Variants in FAM204A observed in about 807,000 individuals in gnomAD.
FAM204A encodes protein FAM204A.
Under a neutral mutation model 35.4 loss-of-function variants are expected in FAM204A, and 16 were observed. The ratio of observed to expected loss-of-function variants is 0.45; its 90% CI spans 0.31 to 0.69. FAM204A has a LOEUF of 0.69. Among genes scored for constraint, FAM204A ranks in the 30% least tolerant of loss-of-function variants. FAM204A has a pLI of 0.07. For synonymous variants in FAM204A, 76 were observed against 86.9 expected (o/e 0.88, Z 0.70); for missense variants, 240 against 265.7 (o/e 0.90, Z 0.67).
chr10:118,332,616 C>G (rs1330416703), intron 6 of FAM204A, among the ~76,000 whole-genome samples: 1 of 151,802 alleles, frequency 6.6e-6, no homozygotes, highest in African/African-American at 2.4e-5. Flanking sequence ...ATTGGAGAAC[C>G]ATGTAAGAGT....
Position 118,303,720 on chromosome 10 carries a change from G to A in FAM204A, c.*7137C>T, listed in dbSNP as rs1311025846. 1 of 152,570 alleles carries A rather than the reference G, an allele frequency of 6.6e-6. No homozygotes were observed. 9.5% of individuals were successfully genotyped at this position (152,570 alleles called of 1,614,324 possible). On this transcript the variant is annotated 3_prime_UTR_variant, in exon 9 of 9. Coordinates refer to ENST00000369183, the MANE Select transcript of FAM204A (RefSeq NM_022063.3). ...CCACCTACTCGGGAGGCTGAGGCAG[G>A]AGAATTGCTTGAACCTGGGAAGCAG... is the stretch of plus-strand genomic sequence containing the variant.
intron 7 of FAM204A, among the ~76,000 whole-genome samples, chr10:118,315,825 T>C (rs1160305375): frequency 2.0e-5 from 3 of 152,122 alleles, no homozygotes; most frequent in Non-Finnish European, 4.4e-5. Flanking sequence ...GAGCCGAACA[T>C]GGTGCAGATT....
At chr10:118,316,706 AAT>A (rs1329007923) in intron 7 of FAM204A, among the ~76,000 whole-genome samples, 2 of 152,128 alleles carry the variant, frequency 1.3e-5, no homozygotes, top group African/African-American at 2.4e-5. Context: ...TATATATACA[AAT>A]ATCTTTTATA....
rs1046014616 is a variant in FAM204A at position 118,300,903 on chromosome 10, G to C, written c.*9954C>G. 6.6e-6 allele frequency: 1 copy of C among 152,204 alleles called. No individual in the cohort carries two copies. Among genetic ancestry groups the C allele is most frequent in the African/African-American group, 2.4e-5 (1 of 41,456 alleles). 9.4% of individuals were successfully genotyped at this position (152,204 alleles called of 1,614,324 possible). On this transcript the variant is annotated 3_prime_UTR_variant, in exon 9 of 9. Transcript: ENST00000369183. The stretch of plus-strand genomic sequence containing the variant: ...GTAACTGAGTGCTTACTGCATGCCA[G>C]ACCCGTGCTAAGCTCTCTCCATGCA...
In FAM204A at chr10:118,299,046, A is replaced by G. The variant is rs1464286996; in HGVS notation, c.*11811T>C. 6.6e-6 allele frequency: 1 copy of G among 152,194 alleles called. No individual in the cohort carries two copies. The highest frequency in any genetic ancestry group is 1.5e-5 in the Non-Finnish European group (1 of 68,030). The allele number at this position is 152,194 out of a possible 1,614,324, so 9.4% of individuals were successfully genotyped here. A position where few individuals can be genotyped will look rare whatever the true frequency, so the allele number is the denominator to read the frequency against. On this transcript the variant is annotated 3_prime_UTR_variant, in exon 9 of 9. Coordinates refer to ENST00000369183, the MANE Select transcript of FAM204A (RefSeq NM_022063.3). Reference sequence around the variant, plus strand: ...GTAATCCTTCTCTGGCCCCCTGGACAGTGTACGTGTGAGTGACGGTTCCCT... The same window carrying G: ...GTAATCCTTCTCTGGCCCCCTGGACGGTGTACGTGTGAGTGACGGTTCCCT...
Position 118,298,373 on chromosome 10 carries a change from T to C in FAM204A, c.*12484A>G, listed in dbSNP as rs757700234. 2.0e-5 allele frequency: 3 copies of C among 152,214 alleles called. No homozygotes were observed. Among genetic ancestry groups the C allele is most frequent in the Non-Finnish European group, 4.4e-5 (3 of 68,042 alleles). 9.4% of individuals were successfully genotyped at this position (152,214 alleles called of 1,614,324 possible). On this transcript the variant is annotated 3_prime_UTR_variant, in exon 9 of 9. Coordinates refer to ENST00000369183, the MANE Select transcript of FAM204A (RefSeq NM_022063.3). The stretch of plus-strand genomic sequence containing the variant: ...AGTGTCCTCTTGTTGTAAAAGTCAT[T>C]AGGTATGTTTAAAATCCGAATGCGA...
chr10:118,320,621 T>C (rs1846099266), intron 7 of FAM204A, among the ~76,000 whole-genome samples: 1 of 151,978 alleles, frequency 6.6e-6, no homozygotes, highest in Admixed American at 6.6e-5. Flanking sequence ...CCTAAGTATA[T>C]GTTTCTACTT....
chr10:118,336,321 A>G lies in FAM204A; in HGVS notation c.95T>C (p.Leu32Ser). 6.2e-7 allele frequency: 1 copy of G among 1,613,982 alleles called. No homozygotes were observed. The highest frequency in any genetic ancestry group is 1.1e-5 in the South Asian group (1 of 91,070). ...GCTCTCATCCTCTTTATCTTCCTGT[A>G]AGTTAAGTCCAGAGTTCTCCAACGT... ...EATLENSGLNLQEDKEDESIR... is the reference protein window; with the variant it reads ...EATLENSGLNSQEDKEDESIR... The change falls in exon 3 of 9, where the codon TTA becomes TCA. Residue 32 changes from leucine to serine, a missense_variant. By Grantham distance (145) the Leu-to-Ser change is moderately radical (BLOSUM62 -2). This residue lies in a region of FAM204A where 232 missense variants were observed against 242.8 expected (regional missense o/e 0.96). Coordinates refer to ENST00000369183, the MANE Select transcript of FAM204A (RefSeq NM_022063.3).
chr10:118,322,346 A>G, intron 7 of FAM204A: 1 of 456,436 alleles, frequency 2.2e-6, no homozygotes, highest in Non-Finnish European at 4.4e-6. Context: ...GAAAGGGACA[A>G]AGAGACAGCA....
rs1845780247 is a variant in FAM204A, at chr10:118,299,101, C to T, written c.*11756G>A. The T allele has an allele frequency of 6.6e-6, 1 of 152,176 alleles. No homozygotes were observed. Among genetic ancestry groups the T allele is most frequent in the Non-Finnish European group, 1.5e-5 (1 of 68,066 alleles). The allele number at this position is 152,176 out of a possible 1,614,324, so 9.4% of individuals were successfully genotyped here. Reference sequence around the variant, plus strand: ...GCCCACATCATTTTCTTGTCTTGGGCAGCAGATCATTCCTTTTTCAGCTTC... The same window carrying T: ...GCCCACATCATTTTCTTGTCTTGGGTAGCAGATCATTCCTTTTTCAGCTTC... On this transcript the variant is annotated 3_prime_UTR_variant, in exon 9 of 9. Coordinates refer to ENST00000369183, the MANE Select transcript of FAM204A (RefSeq NM_022063.3).
intron 2 of FAM204A, among the ~76,000 whole-genome samples, chr10:118,340,115 T>C (rs1386925425): frequency 6.6e-6 from 1 of 152,194 alleles, no homozygotes; most frequent in Non-Finnish European, 1.5e-5. Context: ...CCATTCATCA[T>C]TACAGGAAAA....
intron 2 of FAM204A, among the ~76,000 whole-genome samples, chr10:118,337,994 G>A (rs760162515): frequency 6.6e-6 from 1 of 152,158 alleles, no homozygotes; most frequent in Non-Finnish European, 1.5e-5. Context: ...ACAATCTGAT[G>A]TGAAGTGTCT....
chr10:118,335,457 A>AAC (rs1165536253), intron 4 of FAM204A, 31 bp from the exon 5 acceptor site: 1 of 1,596,744 alleles, frequency 6.3e-7, no homozygotes, highest in Admixed American at 1.8e-5. Flanking sequence ...GTCAATACCT[A>AAC]ACTTCAGTAA....
intron 7 of FAM204A, among the ~76,000 whole-genome samples, chr10:118,323,239 A>T (rs11198362): frequency 0.25 from 38,259 of 152,022 alleles, 5,631 homozygotes; most frequent in Non-Finnish European, 0.33. Context: ...ACCATTTCTA[A>T]GAACAATAGG....
At chr10:118,336,511 T>C (rs1846390125) in intron 2 of FAM204A, 88 bp from the exon 3 acceptor site, 2 of 1,237,102 alleles carry the variant, frequency 1.6e-6, no homozygotes, top group Admixed American at 3.0e-5. Context: ...TGCCTAATAA[T>C]TATAACAATG....
chr10:118,317,416 T>C (rs1223155788), intron 7 of FAM204A, among the ~76,000 whole-genome samples: 1 of 152,088 alleles, frequency 6.6e-6, no homozygotes, highest in African/African-American at 2.4e-5. Flanking sequence ...GAAATCTTTT[T>C]TTAAGGTTAG....
chr10:118,341,250 C>G (rs1218947538), intron 2 of FAM204A, among the ~76,000 whole-genome samples: 2 of 152,166 alleles, frequency 1.3e-5, no homozygotes, highest in African/African-American at 4.8e-5. Context: ...TCGTATAAGG[C>G]TGTCTTATTT....
chr10:118,329,534 C>T (rs533436800), intron 6 of FAM204A, among the ~76,000 whole-genome samples: 61 of 152,234 alleles, frequency 4.0e-4, no homozygotes, highest in African/African-American at 8.4e-4. Flanking sequence ...TCTCTATCTA[C>T]GCAGAGCTCC....
At chr10:118,315,147 C>T (rs1051546066) in intron 7 of FAM204A, among the ~76,000 whole-genome samples, 9 of 151,986 alleles carry the variant, frequency 5.9e-5, no homozygotes, top group African/African-American at 2.2e-4. Flanking sequence ...TGCACGGCGA[C>T]ATTTTTTTAA....
Sources: gnomAD v4.1 joint callset for allele counts (sites outside exome capture counted in the v4.1 genomes callset) on GRCh38, gnomAD v4.1.1 for gene constraint, gnomAD v4.1.1 regional missense constraint, MANE v1.5 for transcripts, NCBI Gene and HGNC (gene_info 2026-07-23, HGNC 2026-07-21) for gene names.